Variants in MPP4 observed in about 807,000 individuals in gnomAD.
MPP4 encodes the protein MAGUK p55 scaffold protein 4, also known as MAGUK p55 subfamily member 4.
Under a neutral mutation model 98.3 loss-of-function variants are expected in MPP4, and 91 were observed. The observed-to-expected ratio is 0.93, with a 90% CI of 0.78 to 1.10. The LOEUF is 1.10. Ranked by LOEUF, MPP4 falls within the 50% of genes least tolerant of loss-of-function variation. The pLI is 0.00. For missense variants in MPP4, 744 were observed against 792.9 expected (o/e 0.94, Z 0.74); for synonymous variants, 261 against 271.8 (o/e 0.96, Z 0.39).
chr2:201,695,912 T>C (rs1291835944), intron 1 of MPP4, among the ~76,000 whole-genome samples: 1 of 152,172 alleles, frequency 6.6e-6, no homozygotes, highest in African/African-American at 2.4e-5. Context: ...AAAGAATACA[T>C]TAAGGTTTTT....
chr2:201,697,828 G>A (rs1167469391), intron 1 of MPP4: 3 of 588,160 alleles, frequency 5.1e-6, no homozygotes, highest in East Asian at 2.9e-4. Flanking sequence ...CATTCAAGGA[G>A]GTATTCAGTA....
chr2:201,663,906 A>G lies in MPP4; in HGVS notation c.1072+175T>C, dbSNP rs193249315. 2.2e-3 allele frequency among the ~76,000 whole-genome samples: 334 copies of G among 152,314 alleles called. 3 individuals carry two copies. The highest frequency in any genetic ancestry group is 7.5e-3 in the African/African-American group (311 of 41,566). On this transcript the variant is annotated intron_variant, in intron 14 of 21. Coordinates refer to ENST00000409474, the MANE Select transcript of MPP4 (RefSeq NM_033066.3). ...AAAAAATTAAAAATTAAAATTAAAA[A>G]TAAATTTTATAATGTATATTTGAGG...
At chr2:201,685,851 A>G (rs1302374808) in intron 6 of MPP4, 68 bp downstream of exon 6, 1 of 1,562,956 alleles carries the variant, frequency 6.4e-7, no homozygotes, top group Non-Finnish European at 8.7e-7. Flanking sequence ...AGTAACCACT[A>G]GATATAATTT....
chr2:201,665,677 C>G (rs1688157179), intron 13 of MPP4: 1 of 151,962 alleles, frequency 6.6e-6, no homozygotes, highest in African/African-American at 2.4e-5. Flanking sequence ...ATTGAAATGC[C>G]CACTGTTTTA....
intron 13 of MPP4, chr2:201,666,001 A>G: frequency 5.4e-6 from 1 of 186,476 alleles, no homozygotes; most frequent in Middle Eastern, 2.0e-3. Context: ...TAAAAATTTG[A>G]TACTGCAATA....
intron 14 of MPP4, among the ~76,000 whole-genome samples, chr2:201,660,602 T>C (rs978962214): frequency 2.0e-5 from 3 of 152,152 alleles, no homozygotes; most frequent in Non-Finnish European, 4.4e-5. Flanking sequence ...CTGAAGGCTT[T>C]TTAACTCAGG....
At chr2:201,666,495 C>A (rs746834256) in intron 12 of MPP4, 123 bp from the exon 13 acceptor site, 11 of 661,970 alleles carry the variant, frequency 1.7e-5, no homozygotes, top group Non-Finnish European at 1.2e-5. Flanking sequence ...CCGAGGCGGG[C>A]GGATCACCTG....
At chr2:201,686,454 A>T (rs930547708) in intron 5 of MPP4, among the ~76,000 whole-genome samples, 1 of 152,188 alleles carries the variant, frequency 6.6e-6, no homozygotes, top group Non-Finnish European at 1.5e-5. Context: ...CAATCAAAAT[A>T]TCTTGCTGGT....
In MPP4 at chr2:201,646,251, A is replaced by G. The variant is rs76810460; in HGVS notation, c.1720-847T>C. 0.012 allele frequency among the ~76,000 whole-genome samples: 1,790 copies of G among 152,350 alleles called. 94 individuals carry two copies. In the East Asian group the frequency reaches 0.18, roughly 16 times the overall value. On this transcript the variant is annotated intron_variant, in intron 21 of 21. Transcript: ENST00000409474. ...TAAATAAAATTTAAACATAAATTTC[A>G]AGTGAACATTAATCTGATAGGGATA...
In MPP4 at chr2:201,656,360, G is replaced by A. The variant is rs542804992; in HGVS notation, c.1138C>T (p.Arg380Cys). The A allele has an allele frequency of 1.1e-4, 164 of 1,550,712 alleles. 2 individuals are homozygous for A. The highest frequency in any genetic ancestry group is 1.3e-4 in the Non-Finnish European group (146 of 1,146,394). Residue 380 changes from arginine (R) to cysteine (C), a missense_variant, in exon 17 of 22, where the codon CGC becomes TGC. By Grantham distance (180) the Arg-to-Cys change is radical. Coordinates refer to ENST00000409474, the MANE Select transcript of MPP4 (RefSeq NM_033066.3). ...CTGCGACAAAGGCGCATGCTGCGGC[G>A]GAAGCCAGCTAGGGAGGGGAAGTGC... ...YGQKFFIAGFRRSMRLCRRKS... is the reference protein window; with the variant it reads ...YGQKFFIAGFCRSMRLCRRKS...
intron 14 of MPP4, 89 bp downstream of exon 14, chr2:201,663,992 A>T: frequency 2.1e-6 from 2 of 973,660 alleles, no homozygotes; most frequent in Non-Finnish European, 2.9e-6. Context: ...TGATATATTT[A>T]AACAGTTATT....
At chr2:201,661,952 G>A in intron 14 of MPP4, 3 of 303,176 alleles carry the variant, frequency 9.9e-6, no homozygotes, top group South Asian at 6.6e-5. Context: ...TAAGCCAAAT[G>A]GGCAAGTATA....
chr2:201,664,279 A>G (rs773003367), intron 13 of MPP4, 178 bp from the exon 14 acceptor site: 91 of 1,475,222 alleles, frequency 6.2e-5, no homozygotes, highest in Non-Finnish European at 8.0e-5. Context: ...TCAGCTTTAC[A>G]TGAAACACAT....
chr2:201,691,710 G>A (rs552110499), intron 3 of MPP4, among the ~76,000 whole-genome samples: 2 of 152,158 alleles, frequency 1.3e-5, no homozygotes, highest in Admixed American at 6.5e-5. Context: ...GTAGAGACAG[G>A]GTTTTGCCAT....
chr2:201,664,469 T>C, intron 13 of MPP4: 1 of 841,072 alleles, frequency 1.2e-6, no homozygotes, highest in South Asian at 1.8e-5. Flanking sequence ...GCAGAGGGCT[T>C]GCCGATGTAG....
chr2:201,663,609 G>A lies in MPP4; in HGVS notation c.1072+472C>T, dbSNP rs546649378. Reference sequence around the variant, plus strand: ...CATGGGACTGTAGTCCCAGCTACTTGGGAGGCTAAAGTGGGAGGATCACCT... The same window carrying A: ...CATGGGACTGTAGTCCCAGCTACTTAGGAGGCTAAAGTGGGAGGATCACCT... On this transcript the variant is annotated intron_variant, in intron 14 of 21. Transcript: ENST00000409474. Among the ~76,000 whole-genome samples the A allele has an allele frequency of 7.9e-5, 12 of 152,274 alleles. No homozygotes were observed. In the East Asian group the frequency reaches 2.3e-3, roughly 29 times the overall value.
chr2:201,650,723 C>G (rs1158602880), intron 18 of MPP4: 18 of 985,228 alleles, frequency 1.8e-5, no homozygotes, highest in Non-Finnish European at 1.9e-5. Context: ...ACAATAGATT[C>G]TCAAATTTGA....
At chr2:201,651,585 T>C in intron 18 of MPP4, 1 of 984,938 alleles carries the variant, frequency 1.0e-6, no homozygotes, top group Non-Finnish European at 1.2e-6. Flanking sequence ...CTTTGAATGA[T>C]TAAAAATCTA....
intron 13 of MPP4, 99 bp from the exon 14 acceptor site, chr2:201,664,200 C>T: frequency 6.7e-7 from 1 of 1,501,066 alleles, no homozygotes. Context: ...CTACTTCTGC[C>T]CATACACCAC....
Sources: gnomAD v4.1 joint callset for allele counts (sites outside exome capture counted in the v4.1 genomes callset) on GRCh38, gnomAD v4.1.1 for gene constraint, MANE v1.5 for transcripts, NCBI Gene and HGNC (gene_info 2026-07-23, HGNC 2026-07-21) for gene names.